Variants in CORO2B observed in about 807,000 individuals in gnomAD.
CORO2B encodes the protein coronin 2B, also known as coronin-2B.
Under a neutral mutation model 58.8 loss-of-function variants are expected in CORO2B, and 26 were observed. The observed-to-expected ratio is 0.44, with a 90% CI of 0.32 to 0.61. The LOEUF (loss-of-function observed/expected upper bound fraction) is 0.61. CORO2B is among the 20% of genes least tolerant of loss of function. The probability of loss-of-function intolerance (pLI) is 0.04; values close to 1 mark genes in which losing one functional copy is unlikely to be tolerated. For missense variants in CORO2B, 460 were observed against 645.1 expected (o/e 0.71, Z 3.11); for synonymous variants, 242 against 253.8 (o/e 0.95, Z 0.44).
chr15:68,559,668 G>T, the CORO2B span: 1 of 983,420 alleles, frequency 1.0e-6, no homozygotes, highest in Non-Finnish European at 1.2e-6. This position sits in a 1 kb window ranked among gnomAD's most constrained non-coding sequence, Gnocchi z 4.3. Context: ...CTGGGCCTCC[G>T]TTTCCGGTTT....
chr15:68,578,219 G>A (rs1229053133), upstream of CORO2B, among the ~76,000 whole-genome samples: 5 of 152,192 alleles, frequency 3.3e-5, no homozygotes, highest in Non-Finnish European at 7.3e-5. The surrounding 1 kb of genome is among the most constrained non-coding windows in gnomAD (Gnocchi z 4.2). Context: ...TCCACCAGTA[G>A]AGCGGCACTC....
intron 2 of CORO2B, among the ~76,000 whole-genome samples, chr15:68,690,723 T>G (rs1400066754): frequency 2.0e-5 from 3 of 150,824 alleles, no homozygotes; most frequent in Non-Finnish European, 4.4e-5. Flanking sequence ...GATCATGATT[T>G]ATTGCAGCCT....
At chr15:68,719,102 G>T in intron 9 of CORO2B, 42 bp from the exon 10 acceptor site, 1 of 1,468,440 alleles carries the variant, frequency 6.8e-7, no homozygotes, top group Non-Finnish European at 9.5e-7. Flanking sequence ...GGCTTTCCCA[G>T]CAGCCCCCCA....
chr15:68,534,686 G>A, the CORO2B span, among the ~76,000 whole-genome samples: 1 of 152,106 alleles, frequency 6.6e-6, no homozygotes, highest in Admixed American at 6.5e-5. Context: ...AATGGGTTAT[G>A]TTACATGAGA....
At chr15:68,564,751 G>A in the CORO2B span, among the ~76,000 whole-genome samples, 2 of 152,282 alleles carry the variant, frequency 1.3e-5, no homozygotes, top group East Asian at 1.9e-4. Context: ...TAAAGTAAAC[G>A]GTCAAATCAT....
intron 2 of CORO2B, among the ~76,000 whole-genome samples, chr15:68,656,031 C>T (rs1183622724): frequency 2.6e-5 from 4 of 152,230 alleles, no homozygotes; most frequent in African/African-American, 9.6e-5. Flanking sequence ...CTCCTGGCAG[C>T]TTCCAGAACA....
chr15:68,651,762 G>A (rs1901648921), intron 2 of CORO2B, among the ~76,000 whole-genome samples: 1 of 152,098 alleles, frequency 6.6e-6, no homozygotes, highest in Non-Finnish European at 1.5e-5. Flanking sequence ...AACAGCACCT[G>A]CCCAGGATCC....
At chr15:68,680,688 T>C (rs1055263006) in intron 2 of CORO2B, among the ~76,000 whole-genome samples, 1 of 152,174 alleles carries the variant, frequency 6.6e-6, no homozygotes, top group Non-Finnish European at 1.5e-5. Context: ...ACATTCTAAT[T>C]TGAAGGTCAG....
chr15:68,620,948 G>A (rs989872255), intron 1 of CORO2B, among the ~76,000 whole-genome samples: 1 of 152,246 alleles, frequency 6.6e-6, no homozygotes, highest in Non-Finnish European at 1.5e-5. Context: ...CCACTTGGGA[G>A]CACAGCGAGC....
At chr15:68,670,977 C>T (rs1188825495) in intron 2 of CORO2B, among the ~76,000 whole-genome samples, 1 of 152,146 alleles carries the variant, frequency 6.6e-6, no homozygotes, top group Non-Finnish European at 1.5e-5. Flanking sequence ...TTTAAAAATT[C>T]ATGTGTGGAA....
At chr15:68,699,134 G>T (rs929938204) in intron 3 of CORO2B, among the ~76,000 whole-genome samples, 1 of 152,142 alleles carries the variant, frequency 6.6e-6, no homozygotes, top group Non-Finnish European at 1.5e-5. Flanking sequence ...AGAAAAGGGA[G>T]AGTCATCTGG....
intron 1 of CORO2B, among the ~76,000 whole-genome samples, chr15:68,595,965 C>T (rs117445822): frequency 0.011 from 1,707 of 151,948 alleles, 17 homozygotes; most frequent in South Asian, 0.033. Context: ...AGGGCAGCGA[C>T]GCCGTGGGGT....
intron 1 of CORO2B, among the ~76,000 whole-genome samples, chr15:68,590,313 A>G (rs1899669999): frequency 6.6e-6 from 1 of 151,858 alleles, no homozygotes; most frequent in Non-Finnish European, 1.5e-5. Context: ...TTGCTTTTTG[A>G]AGAGCCCTGG....
intron 2 of CORO2B, among the ~76,000 whole-genome samples, chr15:68,684,416 T>C (rs1306358015): frequency 6.6e-6 from 1 of 152,108 alleles, no homozygotes; most frequent in Non-Finnish European, 1.5e-5. Flanking sequence ...TTGATTGGGA[T>C]GGAGGGAGAG....
chr15:68,601,469 CAA>C (rs1264490885), intron 1 of CORO2B, among the ~76,000 whole-genome samples: 1 of 152,148 alleles, frequency 6.6e-6, no homozygotes, highest in East Asian at 1.9e-4. Flanking sequence ...AGCTTACAGT[CAA>C]GAGTGGTGTG....
At chr15:68,520,061 C>G in the CORO2B span, among the ~76,000 whole-genome samples, 1 of 152,138 alleles carries the variant, frequency 6.6e-6, no homozygotes, top group Non-Finnish European at 1.5e-5. Context: ...GCTTTATTTT[C>G]AATCATCTAG....
intron 2 of CORO2B, among the ~76,000 whole-genome samples, chr15:68,684,897 ACT>A (rs914001925): frequency 6.6e-6 from 1 of 151,946 alleles, no homozygotes; most frequent in South Asian, 2.1e-4. Flanking sequence ...TTTTATAATG[ACT>A]CTCTCTCTTT....
intron 1 of CORO2B, among the ~76,000 whole-genome samples, chr15:68,614,754 A>C (rs1039623111): frequency 3.9e-5 from 6 of 152,230 alleles, no homozygotes; most frequent in East Asian, 1.9e-4. Flanking sequence ...GGCTGGTTCC[A>C]GGGCTGCAGC....
the CORO2B span, among the ~76,000 whole-genome samples, chr15:68,569,264 G>A: frequency 6.6e-6 from 1 of 152,144 alleles, no homozygotes; most frequent in Non-Finnish European, 1.5e-5. Context: ...TAGTTTCACT[G>A]CCCTAAAAAT....
Sources: allele counts gnomAD v4.1 joint callset (sites outside exome capture counted in the v4.1 genomes callset), GRCh38; gene constraint gnomAD v4.1.1; non-coding constraint Gnocchi (gnomAD v3.1); transcripts MANE v1.5; gene names NCBI Gene and HGNC (gene_info 2026-07-23, HGNC 2026-07-21).